The following SEM1 variants were observed in gnomAD, a reference collection of about 807,000 sequenced individuals.
SEM1 encodes 26S proteasome complex subunit SEM1.
In SEM1, 3 loss-of-function variants were observed where a neutral mutation model predicts 12.7. That is an observed-to-expected ratio of 0.24 (90% CI 0.11 to 0.61). The LOEUF (loss-of-function observed/expected upper bound fraction) is 0.61. Ranked by LOEUF, SEM1 falls within the 20% of genes least tolerant of loss-of-function variation. The pLI is 0.88. For synonymous variants in SEM1, 30 were observed against 27.8 expected, an observed-to-expected ratio of 1.08 and a Z score of -0.25; for missense variants, 59 against 81.3, an observed-to-expected ratio of 0.73 and a Z score of 1.06.
chr7:96,509,265 C>G (rs1803857112), intron 2 of SEM1, among the ~76,000 whole-genome samples: 1 of 151,044 alleles, frequency 6.6e-6, no homozygotes, highest in African/African-American at 2.4e-5. Flanking sequence ...CTTGGCCTCT[C>G]AAAGTGCTGG....
chr7:96,662,117 T>C (rs1254490933), intron 2 of SEM1, among the ~76,000 whole-genome samples: 1 of 152,078 alleles, frequency 6.6e-6, no homozygotes, highest in Non-Finnish European at 1.5e-5. Flanking sequence ...ACTATGGCGA[T>C]TCCTCAAGGA....
At chr7:96,599,626 C>A (rs1358193686) in intron 2 of SEM1, among the ~76,000 whole-genome samples, 3 of 152,166 alleles carry the variant, frequency 2.0e-5, no homozygotes, top group Admixed American at 2.0e-4. Context: ...CTTTCTCAAG[C>A]CCTCTTTTAA....
chr7:96,539,248 G>T (rs1804878143), intron 2 of SEM1, among the ~76,000 whole-genome samples: 1 of 151,788 alleles, frequency 6.6e-6, no homozygotes, highest in African/African-American at 2.4e-5. Flanking sequence ...TTTTGAAAGA[G>T]CATGAAGCAG....
chr7:96,585,552 G>A (rs903871095), intron 2 of SEM1, among the ~76,000 whole-genome samples: 5 of 152,204 alleles, frequency 3.3e-5, no homozygotes, highest in South Asian at 2.1e-4. Context: ...AATGGCGGGC[G>A]CCCCTCCCCC....
chr7:96,620,692 C>G (rs1807864986), downstream of SEM1, among the ~76,000 whole-genome samples: 1 of 152,226 alleles, frequency 6.6e-6, no homozygotes, highest in Non-Finnish European at 1.5e-5. Flanking sequence ...GGTGAATTCT[C>G]TCCTCGATGA....
At chr7:96,484,726 A>T (rs1802684396) in intron 3 of SEM1, 2 of 642,330 alleles carry the variant, frequency 3.1e-6, no homozygotes, top group Admixed American at 5.6e-5. Flanking sequence ...AACTCTTCCG[A>T]ATGACTCAAT....
At chr7:96,568,693 A>G (rs1277955891) in intron 2 of SEM1, among the ~76,000 whole-genome samples, 2 of 151,888 alleles carry the variant, frequency 1.3e-5, no homozygotes, top group East Asian at 3.8e-4. Flanking sequence ...ACAGTGTTGT[A>G]AAAGAGATTA....
chr7:96,599,159 G>A (rs1807108673), intron 2 of SEM1, among the ~76,000 whole-genome samples: 1 of 152,142 alleles, frequency 6.6e-6, no homozygotes, highest in Admixed American at 6.5e-5. Context: ...ACAATGGAAG[G>A]TTTAGGGCTT....
At chr7:96,682,157 G>T (rs2115718317) in intron 2 of SEM1, among the ~76,000 whole-genome samples, 1 of 151,994 alleles carries the variant, frequency 6.6e-6, no homozygotes, top group African/African-American at 2.4e-5. Flanking sequence ...ATTGTGAATG[G>T]GTGTTCACTC....
intron 2 of SEM1, among the ~76,000 whole-genome samples, chr7:96,641,902 A>G (rs1055086625): frequency 1.1e-4 from 17 of 152,060 alleles, no homozygotes; most frequent in African/African-American, 3.4e-4. Context: ...ATATTTTCTA[A>G]GCTCCTGAAT....
chr7:96,501,777 G>C (rs1803562476), intron 3 of SEM1, among the ~76,000 whole-genome samples: 1 of 152,054 alleles, frequency 6.6e-6, no homozygotes, highest in Non-Finnish European at 1.5e-5. Flanking sequence ...TACTTGTGCA[G>C]GTTTGCATAA....
At chr7:96,598,741 C>T (rs1807086573) in intron 2 of SEM1, among the ~76,000 whole-genome samples, 1 of 151,972 alleles carries the variant, frequency 6.6e-6, no homozygotes, top group African/African-American at 2.4e-5. Context: ...ACCACAGGCC[C>T]CAGACCACTG....
At chr7:96,669,699 T>G (rs925724028), downstream of SEM1, among the ~76,000 whole-genome samples, 2 of 152,302 alleles carry the variant, frequency 1.3e-5, no homozygotes, top group East Asian at 3.9e-4. Flanking sequence ...ATTGTATTCA[T>G]GGAGTGATAT....
At chr7:96,656,135 C>T (rs1809172608) in intron 2 of SEM1, among the ~76,000 whole-genome samples, 1 of 152,170 alleles carries the variant, frequency 6.6e-6, no homozygotes, top group Non-Finnish European at 1.5e-5. Flanking sequence ...TTCCCTCCAC[C>T]CAAATTCCGA....
rs1039970027 is a variant in SEM1 at position 96,694,330 on chromosome 7, C to T, written c.170+468G>A. Among the ~76,000 whole-genome samples the T allele has an allele frequency of 5.3e-5, 8 of 151,892 alleles. No homozygotes were observed. In the South Asian group the frequency reaches 1.2e-3, roughly 24 times the overall value. On this transcript the variant is annotated intron_variant, in intron 2 of 2. Transcript: ENST00000248566. ...CCACTGAACTGTACACTTTCAAATG[C>T]TTAATTTTATGTTACATGAATTTTA...
chr7:96,631,378 GT>G (rs1247303062), intron 2 of SEM1, among the ~76,000 whole-genome samples: 2 of 152,032 alleles, frequency 1.3e-5, no homozygotes, highest in African/African-American at 4.8e-5. Context: ...GTTTCATCCA[GT>G]TTTTTTCTTT....
chr7:96,700,131 C>T (rs553174853), intron 1 of SEM1, among the ~76,000 whole-genome samples: 2 of 152,300 alleles, frequency 1.3e-5, no homozygotes, highest in South Asian at 2.1e-4. Context: ...ATACCATTCT[C>T]TCTGTACTTT....
At chr7:96,508,854 A>T (rs1398135910) in intron 2 of SEM1, among the ~76,000 whole-genome samples, 2 of 152,130 alleles carry the variant, frequency 1.3e-5, no homozygotes, top group Non-Finnish European at 1.5e-5. Context: ...ATCTGGGAAA[A>T]TTTATTTTAA....
chr7:96,570,177 G>T (rs1049535217), intron 2 of SEM1, among the ~76,000 whole-genome samples: 1 of 149,634 alleles, frequency 6.7e-6, no homozygotes, highest in East Asian at 2.0e-4. Context: ...CTGCATACTT[G>T]CCAGCATCTG....
Sources: allele counts gnomAD v4.1 joint callset (sites outside exome capture counted in the v4.1 genomes callset), GRCh38; gene constraint gnomAD v4.1.1; transcripts MANE v1.5; gene names NCBI Gene and HGNC (gene_info 2026-07-23, HGNC 2026-07-21).